ACBD5: variants seen among roughly 807,000 people sequenced by gnomAD.
ACBD5 encodes the protein acyl-CoA binding domain containing 5.
A neutral mutation model predicts 71.8 loss-of-function variants in ACBD5; 40 were observed. The ratio of observed to expected loss-of-function variants is 0.56; its 90% confidence interval spans 0.43 to 0.72. The LOEUF is 0.72. Ranked by LOEUF, ACBD5 falls within the 30% of genes least tolerant of loss-of-function variation. ACBD5 has a pLI of 0.00. For missense variants in ACBD5, 559 were observed against 644.5 expected, an observed-to-expected ratio of 0.87 and a Z score of 1.44; for synonymous variants, 229 against 218.6, an observed-to-expected ratio of 1.05 and a Z score of -0.42.
intron 13 of ACBD5, among the ~76,000 whole-genome samples, chr10:27,184,462 C>T (rs537484019): frequency 5.6e-4 from 85 of 151,160 alleles, no homozygotes; most frequent in African/African-American, 2.0e-3. Flanking sequence ...ATACTGAGTC[C>T]TTGTAGTATT....
intron 4 of ACBD5, among the ~76,000 whole-genome samples, chr10:27,231,304 G>C (rs2063824793): frequency 6.6e-6 from 1 of 152,164 alleles, no homozygotes; most frequent in Non-Finnish European, 1.5e-5. Context: ...ATCACTTGAG[G>C]TCAGAAGTTC....
At chr10:27,241,548 C>T (rs1395962116), upstream of ACBD5, among the ~76,000 whole-genome samples, 1 of 152,084 alleles carries the variant, frequency 6.6e-6, no homozygotes, top group African/African-American at 2.4e-5. Flanking sequence ...GAGCCAGGCA[C>T]CTCCAGCGGG....
intron 2 of ACBD5, among the ~76,000 whole-genome samples, chr10:27,237,261 G>C (rs867740595): frequency 2.0e-5 from 3 of 152,140 alleles, no homozygotes; most frequent in Admixed American, 6.6e-5. Flanking sequence ...TAGTCTGTGT[G>C]TAAGACACTC....
At chr10:27,229,471 A>G (rs1048599052) in intron 4 of ACBD5, among the ~76,000 whole-genome samples, 4 of 152,046 alleles carry the variant, frequency 2.6e-5, no homozygotes, top group Non-Finnish European at 2.9e-5. Flanking sequence ...ATGCCTCTGT[A>G]ATCCCAGCTA....
At chr10:27,194,648 T>TAAGAAG (rs1459493023), downstream of ACBD5, among the ~76,000 whole-genome samples, 1 of 148,574 alleles carries the variant, frequency 6.7e-6, no homozygotes, top group African/African-American at 2.5e-5. Context: ...ATAATAATAA[T>TAAGAAG]AAGATGGTTG....
At chr10:27,187,749 C>T (rs1459726943) in intron 13 of ACBD5, among the ~76,000 whole-genome samples, 1 of 78,438 alleles carries the variant, frequency 1.3e-5, no homozygotes, top group Non-Finnish European at 2.8e-5. Flanking sequence ...GAGACTCAGT[C>T]TCAAAAAAAA....
At chr10:27,199,139 T>A (rs995951180) in intron 12 of ACBD5, among the ~76,000 whole-genome samples, 10 of 149,800 alleles carry the variant, frequency 6.7e-5, no homozygotes, top group Admixed American at 2.7e-4. Flanking sequence ...TAAATAAAAA[T>A]TAAAAAAATT....
At chr10:27,233,439 A>G (rs1486965536) in intron 3 of ACBD5, among the ~76,000 whole-genome samples, 1 of 151,826 alleles carries the variant, frequency 6.6e-6, no homozygotes, top group African/African-American at 2.4e-5. Flanking sequence ...AAAAAAAAAA[A>G]AAAAAACTGG....
At chr10:27,236,753 C>T (rs979521715) in intron 2 of ACBD5, among the ~76,000 whole-genome samples, 3 of 151,660 alleles carry the variant, frequency 2.0e-5, no homozygotes, top group Non-Finnish European at 2.9e-5. Context: ...CCGGGCATGA[C>T]GGTGGGTGCA....
intron 5 of ACBD5, chr10:27,220,436 C>G (rs990708919): frequency 6.5e-6 from 1 of 152,724 alleles, no homozygotes; most frequent in Non-Finnish European, 1.5e-5. Context: ...AGCTTCTCAA[C>G]TTTAATGTGC....
chr10:27,237,477 G>A (rs2064868327), intron 2 of ACBD5, among the ~76,000 whole-genome samples: 1 of 152,102 alleles, frequency 6.6e-6, no homozygotes, highest in South Asian at 2.1e-4. Flanking sequence ...ATGATTCAGA[G>A]CAAATCAAAT....
chr10:27,225,980 G>T (rs7096621), intron 4 of ACBD5, among the ~76,000 whole-genome samples: 45 of 152,218 alleles, frequency 3.0e-4, no homozygotes, highest in African/African-American at 1.1e-3. Flanking sequence ...TAGGGTAAAA[G>T]AGTAAACTGT....
Position 27,218,161 on chromosome 10 carries a change from T to C in ACBD5, c.648A>G (p.Ser216=), listed in dbSNP as rs74958766. The C allele has an allele frequency of 6.8e-6, 11 of 1,613,878 alleles. No individual in the cohort carries two copies. In the South Asian group the frequency reaches 1.2e-4, roughly 18 times the overall value. ...TGACTTCCAAATTCTTATGGTCTGCTGACTTCTTCATCATTTTCTTATCTT... is the reference window on the plus strand; with the variant it reads ...TGACTTCCAAATTCTTATGGTCTGCCGACTTCTTCATCATTTTCTTATCTT... The part of the protein sequence containing the change: ...SDNDKKMMKK[S]ADHKNLEVIV... The change falls in exon 7 of 13, where the codon TCA becomes TCG. Residue 216 remains serine, a synonymous_variant. Coordinates refer to ENST00000396271, the MANE Select transcript of ACBD5 (RefSeq NM_145698.5).
At chr10:27,242,050 G>A (rs1052610374), upstream of ACBD5, 2 of 453,310 alleles carry the variant, frequency 4.4e-6, no homozygotes, top group Non-Finnish European at 8.8e-6. Flanking sequence ...CCGCGGCGCC[G>A]GCATTTACCT....
At chr10:27,238,077 G>C (rs1461124771) in intron 2 of ACBD5, among the ~76,000 whole-genome samples, 1 of 151,936 alleles carries the variant, frequency 6.6e-6, no homozygotes, top group Non-Finnish European at 1.5e-5. Context: ...TCCCGAGTAG[G>C]TGGGACTACA....
At chr10:27,232,770 C>A (rs952286578) in intron 3 of ACBD5, among the ~76,000 whole-genome samples, 55 of 152,134 alleles carry the variant, frequency 3.6e-4, no homozygotes, top group African/African-American at 1.2e-3. Flanking sequence ...AATTTTTAAA[C>A]CCCTAAATAA....
chr10:27,231,376 G>C (rs2063834592), intron 4 of ACBD5, among the ~76,000 whole-genome samples: 1 of 152,178 alleles, frequency 6.6e-6, no homozygotes, highest in African/African-American at 2.4e-5. Context: ...AATTAGCTGG[G>C]TGTAGTGGTG....
rs766052817 is a variant in ACBD5, at chr10:27,240,275, GCTCT to G, written c.181+40_181+43del. 81 of 1,613,800 alleles carry G rather than the reference GCTCT, an allele frequency of 5.0e-5. 2 individuals carry two copies. The South Asian group carries it at 8.9e-4, about 18-fold the overall frequency. ...CCAGAAAGTGAAAGGGGGCTTTGGG[GCTCT>G]CTGCAGGAGGCGTCTACAGCCGGGG... On this transcript the variant is annotated intron_variant, in intron 2 of 12. Coordinates refer to ENST00000396271, the MANE Select transcript of ACBD5 (RefSeq NM_145698.5). This position sits in a 1 kb window ranked among gnomAD's most constrained non-coding sequence, Gnocchi z 4.1.
intron 9 of ACBD5, among the ~76,000 whole-genome samples, chr10:27,210,002 AAG>A (rs2060894298): frequency 6.6e-6 from 1 of 152,190 alleles, no homozygotes; most frequent in East Asian, 1.9e-4. Flanking sequence ...TGATCTCTTT[AAG>A]ACAGATTCCA....
Sources: allele counts gnomAD v4.1 joint callset (sites outside exome capture counted in the v4.1 genomes callset), GRCh38; gene constraint gnomAD v4.1.1; non-coding constraint Gnocchi (gnomAD v3.1); transcripts MANE v1.5; gene names NCBI Gene and HGNC (gene_info 2026-07-23, HGNC 2026-07-21).